SLC15A5: variants seen among roughly 807,000 people sequenced by gnomAD.
SLC15A5 encodes the protein solute carrier family 15 member 5.
Under a neutral mutation model 56.1 loss-of-function variants are expected in SLC15A5, and 58 were observed. That is an observed-to-expected ratio of 1.03 (90% CI 0.84 to 1.29). SLC15A5 has a LOEUF of 1.29. Ranked by LOEUF, SLC15A5 falls within the 50% of genes most tolerant of loss-of-function variation. The pLI is 0.00. For missense variants in SLC15A5, 681 were observed against 672.1 expected, an observed-to-expected ratio of 1.01 and a Z score of -0.15; for synonymous variants, 264 against 250.5, an observed-to-expected ratio of 1.05 and a Z score of -0.51.
chr12:16,264,664 G>T (rs1217311851), intron 2 of SLC15A5, among the ~76,000 whole-genome samples: 2 of 152,210 alleles, frequency 1.3e-5, no homozygotes, highest in African/African-American at 4.8e-5. Context: ...GGAGGGACCA[G>T]GTGGGAGATG....
At chr12:16,190,670 C>T (rs1410460328) in intron 8 of SLC15A5, among the ~76,000 whole-genome samples, 1 of 151,958 alleles carries the variant, frequency 6.6e-6, no homozygotes, top group East Asian at 1.9e-4. Flanking sequence ...TGGGGTCAGT[C>T]ATCTATTTTT....
At chr12:16,226,712 T>A (rs2136250536) in intron 5 of SLC15A5, among the ~76,000 whole-genome samples, 2 of 152,304 alleles carry the variant, frequency 1.3e-5, no homozygotes, top group East Asian at 3.9e-4. Context: ...GTGGTCAAAC[T>A]CTTCTCTTCC....
chr12:16,232,470 A>T (rs781757673), intron 5 of SLC15A5, among the ~76,000 whole-genome samples: 9 of 152,208 alleles, frequency 5.9e-5, no homozygotes, highest in Non-Finnish European at 1.5e-5. Flanking sequence ...AATTTTTCTA[A>T]TTGAAAGAGC....
intron 3 of SLC15A5, among the ~76,000 whole-genome samples, chr12:16,249,602 G>A (rs1358250): frequency 0.45 from 68,147 of 151,820 alleles, 15,502 homozygotes; most frequent in South Asian, 0.61. Context: ...ATGTTAAAAT[G>A]TGTAATATAT....
chr12:16,227,129 T>G (rs562169518), intron 5 of SLC15A5, among the ~76,000 whole-genome samples: 9 of 152,216 alleles, frequency 5.9e-5, no homozygotes, highest in African/African-American at 1.9e-4. Flanking sequence ...TCAATAAACC[T>G]CAGTTTAAAA....
Position 16,263,684 on chromosome 12 carries a change from G to A in SLC15A5, c.585-5814C>T, listed in dbSNP as rs561929170. On this transcript the variant is annotated intron_variant, in intron 2 of 8. Coordinates refer to ENST00000344941, the MANE Select transcript of SLC15A5 (RefSeq NM_001170798.1). ...AAATGGTTTTGTGGGCCAGGCCTAG[G>A]GTCCCTGTGCTGTGTGTAGTCTAGG... Among the ~76,000 whole-genome samples the A allele has an allele frequency of 4.9e-4, 75 of 152,246 alleles. No individual in the cohort carries two copies. The South Asian group carries it at 0.015, about 30-fold the overall frequency.
chr12:16,261,076 G>A (rs1864638969), intron 2 of SLC15A5, among the ~76,000 whole-genome samples: 1 of 151,284 alleles, frequency 6.6e-6, no homozygotes, highest in Admixed American at 6.6e-5. Context: ...GAGCTTTATT[G>A]AGATATAATT....
intron 7 of SLC15A5, among the ~76,000 whole-genome samples, chr12:16,202,720 C>T (rs190852574): frequency 3.7e-4 from 56 of 152,072 alleles, no homozygotes; most frequent in African/African-American, 1.2e-3. Flanking sequence ...AACTAAAGTG[C>T]GCATCAATTG....
At chr12:16,197,039 A>G (rs1863901013) in intron 7 of SLC15A5, among the ~76,000 whole-genome samples, 3 of 152,014 alleles carry the variant, frequency 2.0e-5, no homozygotes, top group African/African-American at 2.4e-5. Context: ...GAAAGATAGT[A>G]TAAATCTGTG....
chr12:16,231,522 C>T (rs1565665045), intron 5 of SLC15A5, among the ~76,000 whole-genome samples: 1 of 152,172 alleles, frequency 6.6e-6, no homozygotes, highest in African/African-American at 2.4e-5. Context: ...TTTAGAAGCT[C>T]ATGACTTGAA....
chr12:16,227,508 C>T (rs1864253868), intron 5 of SLC15A5, among the ~76,000 whole-genome samples: 1 of 152,040 alleles, frequency 6.6e-6, no homozygotes, highest in Non-Finnish European at 1.5e-5. Flanking sequence ...AGGTGAGAGA[C>T]ATCATTTTAT....
intron 7 of SLC15A5, among the ~76,000 whole-genome samples, chr12:16,211,283 G>A (rs760301896): frequency 4.0e-4 from 61 of 152,304 alleles, no homozygotes; most frequent in Non-Finnish European, 6.6e-4. Context: ...CCTGTTTCAA[G>A]AGTGACTCAG....
rs775903795 is a variant in SLC15A5 at position 16,257,643 on chromosome 12, A to T, written c.754+58T>A. ...AGTTATAAAGAATCAAAGAGAAAGG[A>T]TATCTGTCAAGAAAACAATATAAAC... On this transcript the variant is annotated intron_variant, in intron 3 of 8. Coordinates refer to ENST00000344941, the MANE Select transcript of SLC15A5 (RefSeq NM_001170798.1). 22 of 1,242,882 alleles carry T rather than the reference A, an allele frequency of 1.8e-5. No homozygotes were observed. The South Asian group carries it at 5.4e-4, about 30-fold the overall frequency. 77.0% of individuals were successfully genotyped at this position (1,242,882 alleles called of 1,614,324 possible). A position where few individuals can be genotyped will look rare whatever the true frequency, so the allele number is the denominator to read the frequency against.
chr12:16,276,451 G>T (rs1213301085), intron 1 of SLC15A5, among the ~76,000 whole-genome samples: 1 of 151,876 alleles, frequency 6.6e-6, no homozygotes, highest in East Asian at 1.9e-4. Flanking sequence ...TTATTTAGTT[G>T]CCTTACAGCT....
intron 6 of SLC15A5, among the ~76,000 whole-genome samples, chr12:16,218,891 ACT>A (rs1180810126): frequency 6.6e-6 from 1 of 151,990 alleles, no homozygotes; most frequent in East Asian, 1.9e-4. Context: ...CTGCAGCAAA[ACT>A]CTGCATTTAC....
intron 5 of SLC15A5, among the ~76,000 whole-genome samples, chr12:16,238,547 G>A (rs145317676): frequency 0.013 from 1,921 of 148,018 alleles, 44 homozygotes; most frequent in African/African-American, 0.043. Context: ...GGAGAATGGC[G>A]TGAACCCGGG....
At chr12:16,200,590 A>G (rs747405172) in intron 7 of SLC15A5, among the ~76,000 whole-genome samples, 8 of 152,126 alleles carry the variant, frequency 5.3e-5, no homozygotes, top group East Asian at 1.9e-4. Flanking sequence ...AGAAGTTTCA[A>G]TAACATTAGA....
At position 16,277,389 on chromosome 12, in the gene SLC15A5, C is replaced by T. The variant is rs972086383; in HGVS notation, c.297G>A (p.Trp99Ter). Reference sequence around the variant, plus strand: ...TTCTTCCTAAATAGACATCAGTGAGCCATCTGACAAACACAGGGGTAAGTA... The same window carrying T: ...TTCTTCCTAAATAGACATCAGTGAGTCATCTGACAAACACAGGGGTAAGTA... ...TSILTPVFVR[W>*]LTDVYLGRNK... Residue 99 changes from tryptophan (W) to a stop codon, truncating the protein, a stop_gained, in exon 1 of 9, where the codon TGG becomes TGA. Coordinates refer to ENST00000344941, the MANE Select transcript of SLC15A5 (RefSeq NM_001170798.1). LOFTEE classifies it high-confidence loss of function. The T allele has an allele frequency of 5.2e-6, 8 of 1,536,062 alleles. No individual in the cohort carries two copies. The highest frequency in any genetic ancestry group is 3.9e-5 in the Admixed American group (2 of 50,914).
intron 5 of SLC15A5, among the ~76,000 whole-genome samples, chr12:16,234,042 A>G (rs1864324231): frequency 6.6e-6 from 1 of 152,170 alleles, no homozygotes; most frequent in Non-Finnish European, 1.5e-5. Context: ...AAGAATAGAA[A>G]TTTCTTTTCT....
Sources: gnomAD v4.1 joint callset for allele counts (sites outside exome capture counted in the v4.1 genomes callset) on GRCh38, gnomAD v4.1.1 for gene constraint, MANE v1.5 for transcripts, NCBI Gene and HGNC (gene_info 2026-07-23, HGNC 2026-07-21) for gene names.